Variants in HHIP observed in about 807,000 individuals in gnomAD.
HHIP encodes the protein hedgehog-interacting protein.
HHIP carries 12 observed loss-of-function variants against 74.0 expected under a neutral mutation model. The ratio of observed to expected loss-of-function variants is 0.16; its 90% CI spans 0.10 to 0.26. The LOEUF (loss-of-function observed/expected upper bound fraction) is 0.26, where lower values mean the gene tolerates loss of function less well. Ranked by LOEUF, HHIP falls within the 10% of genes least tolerant of loss-of-function variation. The probability of loss-of-function intolerance (pLI) is 1.00; values close to 1 mark genes in which losing one functional copy is unlikely to be tolerated. For synonymous variants in HHIP, 309 were observed against 311.6 expected, an observed-to-expected ratio of 0.99 and a Z score of 0.09; for missense variants, 788 against 845.0, an observed-to-expected ratio of 0.93 and a Z score of 0.84.
At chr4:144,657,384 A>G (rs957711597) in intron 2 of HHIP, among the ~76,000 whole-genome samples, 4 of 152,192 alleles carry the variant, frequency 2.6e-5, no homozygotes, top group Non-Finnish European at 4.4e-5. Context: ...GCTACTCAGT[A>G]TGTTTATCAC....
At chr4:144,675,407 T>C (rs923671049) in intron 4 of HHIP, among the ~76,000 whole-genome samples, 2 of 152,046 alleles carry the variant, frequency 1.3e-5, no homozygotes, top group African/African-American at 4.8e-5. Context: ...ATGGTGCTTT[T>C]AAGGAATAAT....
chr4:144,738,234 A>C lies in HHIP; in HGVS notation c.*277A>C, dbSNP rs947205326. The C allele has an allele frequency of 3.9e-6, 4 of 1,022,788 alleles. No individual in the cohort carries two copies. In the African/African-American group the frequency reaches 6.8e-5, roughly 17 times the overall value. 63.4% of individuals were successfully genotyped at this position (1,022,788 alleles called of 1,614,324 possible). On this transcript the variant is annotated 3_prime_UTR_variant, in exon 13 of 13. Transcript: ENST00000296575. The stretch of plus-strand genomic sequence containing the variant: ...CTTATGCAAAGTAATTTACACAGAA[A>C]TTCCATTGTAAATTGATAATGGATT...
In HHIP at chr4:144,706,674, A is replaced by G. The variant is rs200838575; in HGVS notation, c.975A>G (p.Thr325=). Residue 325 remains threonine (T), a synonymous_variant, in exon 5 of 13, where the codon ACA becomes ACG. Transcript: ENST00000296575. ...ACATTCTTAGGGTTGTGGAATACAC[A>G]GTATCCAGGTATCACTAAAAGGCAT... is the stretch of plus-strand genomic sequence containing the variant. ...HDHILRVVEY[T]VSRKNPHQVD... The G allele has an allele frequency of 1.3e-5, 21 of 1,606,864 alleles. No individual in the cohort carries two copies. Among genetic ancestry groups the G allele is most frequent in the Non-Finnish European group, 1.8e-5 (21 of 1,178,084 alleles).
chr4:144,733,744 C>G (rs11733546), intron 11 of HHIP, among the ~76,000 whole-genome samples: 8 of 152,128 alleles, frequency 5.3e-5, no homozygotes, highest in Non-Finnish European at 1.2e-4. Context: ...CACTGTGGCA[C>G]AGGTAACAGC....
intron 5 of HHIP, 116 bp downstream of exon 5, chr4:144,706,798 A>G (rs535322772): frequency 1.1e-6 from 1 of 881,668 alleles, no homozygotes; most frequent in East Asian, 2.7e-5. Context: ...GCAATAATTA[A>G]ATCATTACCT....
At chr4:144,706,734 C>T (rs1206570218) in intron 5 of HHIP, 52 bp downstream of exon 5, 1 of 1,508,824 alleles carries the variant, frequency 6.6e-7, no homozygotes, top group East Asian at 2.3e-5. Context: ...ATTTTCTCAT[C>T]ATCTTTTCAT....
At position 144,716,257 on chromosome 4, in the gene HHIP, G is replaced by GA. The variant is rs540002032; in HGVS notation, c.1678+827_1678+828insA. Among the ~76,000 whole-genome samples, 259 of 151,910 alleles carry GA rather than the reference G, an allele frequency of 1.7e-3. 2 individuals carry two copies. Among genetic ancestry groups the GA allele is most frequent in the African/African-American group, 6.1e-3 (252 of 41,438 alleles). On this transcript the variant is annotated intron_variant, in intron 10 of 12. Transcript: ENST00000296575. ...TATTTTCTCTAAAACTTCAGATTTG[G>GA]TTTTTTTTACATCAAATGGAGACTT... is the stretch of plus-strand genomic sequence containing the variant.
intron 2 of HHIP, among the ~76,000 whole-genome samples, chr4:144,656,705 T>TA (rs1176407970): frequency 6.6e-6 from 1 of 152,188 alleles, no homozygotes; most frequent in Non-Finnish European, 1.5e-5. Context: ...CCTGCATGCA[T>TA]AATATAGGCA....
chr4:144,712,008 G>C lies in HHIP; in HGVS notation c.1360G>C (p.Asp454His), dbSNP rs1730320216. ...CATCAATTTAACGATACTGTGTTCA[G>C]ACTCCAATGGAAAAAACAGATCATC... is the stretch of plus-strand genomic sequence containing the variant. ...ININLTILCS[D>H]SNGKNRSSAR... Residue 454 changes from aspartate to histidine, a missense_variant, in exon 8 of 13, where the codon GAC becomes CAC. By Grantham distance (81) the Asp-to-His change is moderately conservative. Coordinates refer to ENST00000296575, the MANE Select transcript of HHIP (RefSeq NM_022475.3). The C allele has an allele frequency of 2.5e-6, 4 of 1,611,294 alleles. No individual in the cohort carries two copies. The East Asian group carries it at 8.9e-5, about 36-fold the overall frequency.
intron 4 of HHIP, among the ~76,000 whole-genome samples, chr4:144,692,386 ACTCTT>A (rs1263749701): frequency 6.6e-6 from 1 of 151,956 alleles, no homozygotes; most frequent in Non-Finnish European, 1.5e-5. Flanking sequence ...ATATTTCTGT[ACTCTT>A]CTCTTCCATT....
At chr4:144,703,715 C>T (rs1398703322) in intron 4 of HHIP, among the ~76,000 whole-genome samples, 1 of 152,160 alleles carries the variant, frequency 6.6e-6, no homozygotes, top group Non-Finnish European at 1.5e-5. Context: ...GAGGTCTGGT[C>T]TGCTGGCCAG....
chr4:144,684,360 G>A (rs1216858103), intron 4 of HHIP, among the ~76,000 whole-genome samples: 1 of 129,436 alleles, frequency 7.7e-6, no homozygotes, highest in East Asian at 2.7e-4. Context: ...CCGGGTTCAC[G>A]CCATTCTCCT....
At chr4:144,684,068 AAAAG>A (rs1729415113) in intron 4 of HHIP, among the ~76,000 whole-genome samples, 1 of 150,608 alleles carries the variant, frequency 6.6e-6, no homozygotes, top group Non-Finnish European at 1.5e-5. Context: ...GTCTAAAAAA[AAAAG>A]AAAAGAAAGA....
intron 11 of HHIP, among the ~76,000 whole-genome samples, chr4:144,719,727 T>G (rs1458050371): frequency 6.6e-6 from 1 of 152,182 alleles, no homozygotes; most frequent in Non-Finnish European, 1.5e-5. Context: ...TAACAAAACC[T>G]AAGGATTCTC....
intron 7 of HHIP, among the ~76,000 whole-genome samples, chr4:144,711,682 A>T (rs1186885181): frequency 6.6e-6 from 1 of 152,244 alleles, no homozygotes; most frequent in African/African-American, 2.4e-5. Context: ...GAACAGACTA[A>T]CAATTGTTTT....
At chr4:144,737,320 T>C in intron 12 of HHIP, among the ~76,000 whole-genome samples, 1 of 152,168 alleles carries the variant, frequency 6.6e-6, no homozygotes, top group African/African-American at 2.4e-5. Flanking sequence ...TGACTGTTCC[T>C]TTCTGTTGCA....
chr4:144,737,672 C>T, intron 12 of HHIP, 92 bp from the exon 13 acceptor site: 1 of 1,138,712 alleles, frequency 8.8e-7, no homozygotes, highest in Admixed American at 2.8e-5. Context: ...CCTCGCTTCC[C>T]TTATTCAGCA....
intron 4 of HHIP, among the ~76,000 whole-genome samples, chr4:144,698,743 A>T (rs1560710820): frequency 2.6e-5 from 4 of 152,196 alleles, no homozygotes; most frequent in African/African-American, 9.6e-5. Context: ...TTTCATCCTC[A>T]GGGAATAGTG....
chr4:144,726,580 T>G (rs1424428526), intron 11 of HHIP, among the ~76,000 whole-genome samples: 2 of 152,198 alleles, frequency 1.3e-5, no homozygotes, highest in Non-Finnish European at 1.5e-5. Context: ...TTCACCATGA[T>G]TTGGTTTCCC....
Sources: gnomAD v4.1 joint callset for allele counts (sites outside exome capture counted in the v4.1 genomes callset) on GRCh38, gnomAD v4.1.1 for gene constraint, MANE v1.5 for transcripts, NCBI Gene and HGNC (gene_info 2026-07-23, HGNC 2026-07-21) for gene names.